The following RNF125 variants were observed in gnomAD, a reference collection of about 807,000 sequenced individuals.
The protein encoded by RNF125 is E3 ubiquitin-protein ligase RNF125.
A neutral mutation model predicts 26.0 loss-of-function variants in RNF125; 21 were observed. The observed-to-expected ratio is 0.81, with a 90% CI of 0.57 to 1.16. The LOEUF is 1.16. Among genes scored for constraint, RNF125 ranks in the 50% most tolerant of loss-of-function variants. The probability of loss-of-function intolerance (pLI) is 0.00; values close to 1 mark genes in which losing one functional copy is unlikely to be tolerated. For missense variants in RNF125, 270 were observed against 299.4 expected (o/e 0.90, Z 0.72); for synonymous variants, 95 against 109.2 (o/e 0.87, Z 0.81).
the RNF125 span, among the ~76,000 whole-genome samples, chr18:32,086,744 C>G: frequency 6.6e-6 from 1 of 152,064 alleles, no homozygotes; most frequent in African/African-American, 2.4e-5. Flanking sequence ...GTCTCGAACT[C>G]CCGACCTCAG....
In RNF125 at chr18:32,056,366, C is replaced by G. The variant is rs541760069; in HGVS notation, c.505-9536C>G. On this transcript the variant is annotated intron_variant, in intron 4 of 5. Transcript: ENST00000217740. ...GTGGCTCCCGACTGTAATCCCAGCA[C>G]TTTGGGAGGCTGAGGTGGGCAGATC... 5.0e-3 allele frequency among the ~76,000 whole-genome samples: 762 copies of G among 152,100 alleles called. 3 individuals carry two copies. The highest frequency in any genetic ancestry group is 7.4e-3 in the Non-Finnish European group (506 of 67,984).
the RNF125 span, among the ~76,000 whole-genome samples, chr18:32,089,821 A>G: frequency 1.3e-5 from 2 of 151,362 alleles, no homozygotes; most frequent in Non-Finnish European, 2.9e-5. Context: ...AATGAAGCAA[A>G]TAAAATTAGG....
the RNF125 span, among the ~76,000 whole-genome samples, chr18:32,082,249 T>G: frequency 6.6e-6 from 1 of 152,046 alleles, no homozygotes; most frequent in African/African-American, 2.4e-5. Context: ...CACACTGGCT[T>G]CTCTCCTGGC....
At chr18:32,080,789 T>C in the RNF125 span, among the ~76,000 whole-genome samples, 974 of 152,282 alleles carry the variant, frequency 6.4e-3, 14 homozygotes, top group African/African-American at 0.023. Flanking sequence ...CTCGGGAGAA[T>C]GGCGTGAACC....
intron 1 of RNF125, among the ~76,000 whole-genome samples, chr18:32,030,790 A>G (rs1039796353): frequency 6.6e-6 from 1 of 152,194 alleles, no homozygotes; most frequent in Admixed American, 6.5e-5. Context: ...GGACCTGGCT[A>G]GGGTCATCCC....
Position 32,045,698 on chromosome 18 carries a change from G to C in RNF125, c.470G>C (p.Cys157Ser). ...TATGAAGACAGCTTGCTGGATCATT[G>C]TATTACTCATCACAGATCGGAACGG... ...ELYEDSLLDH[C>S]ITHHRSERRP... Residue 157 changes from cysteine (C) to serine (S), a missense_variant, in exon 4 of 6, where the codon TGT becomes TCT. Transcript: ENST00000217740. 6.2e-7 allele frequency: 1 copy of C among 1,612,736 alleles called. No individual in the cohort carries two copies. Among genetic ancestry groups the C allele is most frequent in the Non-Finnish European group, 8.5e-7 (1 of 1,179,642 alleles).
At chr18:32,027,445 C>T (rs2039047759) in intron 1 of RNF125, among the ~76,000 whole-genome samples, 1 of 151,920 alleles carries the variant, frequency 6.6e-6, no homozygotes, top group Non-Finnish European at 1.5e-5. Flanking sequence ...TAAATATAGC[C>T]ATTCATTTAT....
chr18:32,022,909 T>A (rs1205616119), intron 1 of RNF125, among the ~76,000 whole-genome samples: 1 of 152,134 alleles, frequency 6.6e-6, no homozygotes, highest in Non-Finnish European at 1.5e-5. Context: ...TGGGGTGAAA[T>A]ATTTTCAGTT....
At chr18:32,088,059 C>T in the RNF125 span, among the ~76,000 whole-genome samples, 1 of 152,070 alleles carries the variant, frequency 6.6e-6, no homozygotes, top group Non-Finnish European at 1.5e-5. Flanking sequence ...CATATATAGC[C>T]CTTTCATGGA....
At chr18:32,042,868 G>A (rs996224150) in intron 3 of RNF125, among the ~76,000 whole-genome samples, 2 of 151,570 alleles carry the variant, frequency 1.3e-5, no homozygotes, top group African/African-American at 4.8e-5. Context: ...AGAAACATTC[G>A]TGGGGTGTGG....
chr18:32,054,334 C>T (rs983856856), intron 4 of RNF125, among the ~76,000 whole-genome samples: 2 of 152,066 alleles, frequency 1.3e-5, no homozygotes, highest in African/African-American at 2.4e-5. Context: ...CTCAGGTGTT[C>T]CTCCCGCTGT....
chr18:32,061,586 A>G (rs2039435532), intron 4 of RNF125, among the ~76,000 whole-genome samples: 2 of 152,092 alleles, frequency 1.3e-5, no homozygotes, highest in Non-Finnish European at 1.5e-5. Flanking sequence ...TCTTTCTTTT[A>G]GGATTTACTG....
At chr18:32,025,743 C>T (rs980812032) in intron 1 of RNF125, among the ~76,000 whole-genome samples, 4 of 146,830 alleles carry the variant, frequency 2.7e-5, no homozygotes, top group Non-Finnish European at 4.5e-5. Context: ...TTTGTGTATG[C>T]GTGTGTGTGT....
intron 1 of RNF125, among the ~76,000 whole-genome samples, chr18:32,036,772 A>G (rs2039160112): frequency 6.6e-6 from 1 of 152,186 alleles, no homozygotes; most frequent in Non-Finnish European, 1.5e-5. Flanking sequence ...CCCACAGAAG[A>G]AAGACATATT....
chr18:32,083,500 G>C, the RNF125 span, among the ~76,000 whole-genome samples: 12 of 152,194 alleles, frequency 7.9e-5, no homozygotes, highest in African/African-American at 2.7e-4. Flanking sequence ...GGCTTTGTTT[G>C]CTTTTTAAAA....
chr18:32,063,035 A>G (rs916975105), intron 4 of RNF125, among the ~76,000 whole-genome samples: 3 of 151,832 alleles, frequency 2.0e-5, no homozygotes, highest in Admixed American at 6.6e-5. Context: ...GCCTGGCCAA[A>G]ATGGTGAAAC....
chr18:32,089,336 T>C, the RNF125 span, among the ~76,000 whole-genome samples: 1 of 152,182 alleles, frequency 6.6e-6, no homozygotes, highest in African/African-American at 2.4e-5. Flanking sequence ...TCATGTCAGC[T>C]ACCCATCATC....
intron 3 of RNF125, among the ~76,000 whole-genome samples, chr18:32,043,057 G>A (rs1241454675): frequency 6.6e-6 from 1 of 151,926 alleles, no homozygotes; most frequent in Non-Finnish European, 1.5e-5. Flanking sequence ...GCTGAGGCAC[G>A]AGAATCACTT....
At chr18:32,076,316 GT>G (rs923695665), downstream of RNF125, 7 of 286,190 alleles carry the variant, frequency 2.4e-5, no homozygotes, top group African/African-American at 1.4e-4. Context: ...TTTTTTGGTT[GT>G]TTTTTTGTTT....
Sources: gnomAD v4.1 joint callset for allele counts (sites outside exome capture counted in the v4.1 genomes callset) on GRCh38, gnomAD v4.1.1 for gene constraint, MANE v1.5 for transcripts, NCBI Gene and HGNC (gene_info 2026-07-23, HGNC 2026-07-21) for gene names.